The following NCAM2 variants were observed in gnomAD, a reference collection of about 807,000 sequenced individuals.
NCAM2 encodes the protein neural cell adhesion molecule 2, also known as N-CAM-2.
In NCAM2, 30 loss-of-function variants were observed where a neutral mutation model predicts 98.1. That is an observed-to-expected ratio of 0.31 (90% CI 0.23 to 0.41). NCAM2 has a LOEUF of 0.41. Ranked by LOEUF, NCAM2 falls within the 10% of genes least tolerant of loss-of-function variation. NCAM2 has a pLI of 1.00. For synonymous variants in NCAM2, 368 were observed against 342.4 expected, an observed-to-expected ratio of 1.07 and a Z score of -0.83; for missense variants, 867 against 1,005.8, an observed-to-expected ratio of 0.86 and a Z score of 1.87.
intron 1 of NCAM2, among the ~76,000 whole-genome samples, chr21:21,166,602 A>G (rs1249411583): frequency 2.0e-5 from 3 of 152,170 alleles, no homozygotes; most frequent in Non-Finnish European, 4.4e-5. Context: ...CAGAACAATA[A>G]GAGTCAGGAG....
intron 1 of NCAM2, among the ~76,000 whole-genome samples, chr21:21,231,067 G>T (rs560776210): frequency 6.6e-6 from 1 of 151,394 alleles, no homozygotes; most frequent in Non-Finnish European, 1.5e-5. Flanking sequence ...GCAATTTCTG[G>T]CAAGATGAGT....
chr21:21,119,532 A>G (rs1306941470), intron 1 of NCAM2, among the ~76,000 whole-genome samples: 2 of 148,942 alleles, frequency 1.3e-5, no homozygotes, highest in Non-Finnish European at 1.5e-5. Flanking sequence ...TGTTATTGCT[A>G]GAATCACTCA....
At chr21:21,416,985 T>C (rs1267516788) in intron 10 of NCAM2, among the ~76,000 whole-genome samples, 1 of 152,086 alleles carries the variant, frequency 6.6e-6, no homozygotes, top group South Asian at 2.1e-4. Context: ...TTATTTAAGA[T>C]GAACTTTTAT....
At chr21:21,426,827 A>G (rs2077224172) in intron 11 of NCAM2, among the ~76,000 whole-genome samples, 2 of 152,212 alleles carry the variant, frequency 1.3e-5, no homozygotes, top group African/African-American at 4.8e-5. Context: ...ACTTAGAACC[A>G]TAGCAGCAAG....
Position 21,262,242 on chromosome 21 carries a change from G to A in NCAM2, c.56-18336G>A, listed in dbSNP as rs530684753. 1.2e-3 allele frequency among the ~76,000 whole-genome samples: 181 copies of A among 152,132 alleles called. 2 individuals carry two copies. Among genetic ancestry groups the A allele is most frequent in the African/African-American group, 4.1e-3 (172 of 41,530 alleles). ...AATCCACCAACCACAGGAAGCCCAC[G>A]ACCAGACAGATTCACAGCCACATTC... On this transcript the variant is annotated intron_variant, in intron 1 of 17. Transcript: ENST00000400546.
chr21:21,169,982 C>G (rs1396216241), intron 1 of NCAM2, among the ~76,000 whole-genome samples: 1 of 151,848 alleles, frequency 6.6e-6, no homozygotes, highest in Non-Finnish European at 1.5e-5. Context: ...AATATACAGA[C>G]AGCAAATAAG....
intron 15 of NCAM2, among the ~76,000 whole-genome samples, chr21:21,478,375 A>G (rs1471438525): frequency 1.3e-5 from 2 of 151,988 alleles, no homozygotes; most frequent in Non-Finnish European, 2.9e-5. Flanking sequence ...TATTTGTCTT[A>G]TTATATTAGA....
chr21:21,403,568 CT>C (rs1490623930), intron 9 of NCAM2, among the ~76,000 whole-genome samples: 1 of 152,088 alleles, frequency 6.6e-6, no homozygotes, highest in Non-Finnish European at 1.5e-5. Context: ...CCAGCATCTG[CT>C]AAATGGCTTA....
chr21:21,440,096 G>A (rs960249063), intron 12 of NCAM2, among the ~76,000 whole-genome samples: 5 of 152,076 alleles, frequency 3.3e-5, no homozygotes, highest in East Asian at 1.9e-4. Flanking sequence ...ACTTTAGTTC[G>A]CTGCTGATGT....
intron 4 of NCAM2, among the ~76,000 whole-genome samples, chr21:21,290,780 T>G (rs58549927): frequency 4.0e-5 from 6 of 151,790 alleles, no homozygotes; most frequent in Admixed American, 4.0e-4. Flanking sequence ...TTCTATTTGT[T>G]ATTTCTAGCC....
intron 1 of NCAM2, among the ~76,000 whole-genome samples, chr21:21,145,211 C>A (rs1375764228): frequency 4.6e-5 from 7 of 152,032 alleles, no homozygotes. Flanking sequence ...TTTTGAAGCC[C>A]ATGCTAATAT....
chr21:21,492,142 T>G (rs1367676329), intron 15 of NCAM2, among the ~76,000 whole-genome samples: 1 of 151,818 alleles, frequency 6.6e-6, no homozygotes, highest in East Asian at 1.9e-4. Context: ...ATTATTTTAT[T>G]ATATCAACAA....
intron 1 of NCAM2, among the ~76,000 whole-genome samples, chr21:21,002,971 C>A (rs1198656630): frequency 1.3e-5 from 2 of 152,048 alleles, no homozygotes; most frequent in African/African-American, 4.8e-5. Context: ...TGCTTTTATG[C>A]TTTTATTAAA....
chr21:21,379,640 T>C (rs993963319), intron 9 of NCAM2, among the ~76,000 whole-genome samples: 20 of 152,222 alleles, frequency 1.3e-4, no homozygotes, highest in African/African-American at 4.8e-4. Context: ...TTTTTATATG[T>C]ATAAAGATTT....
At chr21:21,487,951 T>G (rs917459204) in intron 15 of NCAM2, among the ~76,000 whole-genome samples, 1 of 152,170 alleles carries the variant, frequency 6.6e-6, no homozygotes, top group African/African-American at 2.4e-5. Flanking sequence ...AGTTTAATTT[T>G]ATAAACTCTA....
At chr21:21,359,709 A>G (rs1479778270) in intron 8 of NCAM2, among the ~76,000 whole-genome samples, 1 of 151,962 alleles carries the variant, frequency 6.6e-6, no homozygotes, top group Non-Finnish European at 1.5e-5. Flanking sequence ...TATAAATACC[A>G]TATTCTACAT....
chr21:21,076,365 A>G (rs2065681964), intron 1 of NCAM2, among the ~76,000 whole-genome samples: 1 of 152,178 alleles, frequency 6.6e-6, no homozygotes, highest in South Asian at 2.1e-4. Context: ...ATGCTTTGCT[A>G]GGTAATTATT....
intron 1 of NCAM2, among the ~76,000 whole-genome samples, chr21:21,114,860 G>A (rs1023339608): frequency 2.7e-5 from 4 of 150,206 alleles, no homozygotes; most frequent in Non-Finnish European, 5.9e-5. Flanking sequence ...CGCTCTTGTC[G>A]CCCAGGCTGG....
intron 8 of NCAM2, among the ~76,000 whole-genome samples, chr21:21,358,106 A>C (rs868099545): frequency 5.9e-5 from 9 of 152,124 alleles, no homozygotes; most frequent in Non-Finnish European, 1.0e-4. Flanking sequence ...CGTAATCTGC[A>C]AGATCATCAA....
Sources: allele counts gnomAD v4.1 joint callset (sites outside exome capture counted in the v4.1 genomes callset), GRCh38; gene constraint gnomAD v4.1.1; transcripts MANE v1.5; gene names NCBI Gene and HGNC (gene_info 2026-07-23, HGNC 2026-07-21).